Variants in LRBA observed in about 807,000 individuals in gnomAD.
LRBA encodes the protein LPS responsive beige-like anchor protein.
LRBA carries 176 observed loss-of-function variants against 330.0 expected under a neutral mutation model. The ratio of observed to expected loss-of-function variants is 0.53; its 90% CI spans 0.47 to 0.60. The LOEUF is 0.60. LRBA is among the 20% of genes least tolerant of loss of function. LRBA has a pLI of 0.00. For missense variants in LRBA, 3,259 were observed against 3,444.8 expected (o/e 0.95, Z 1.35); for synonymous variants, 1,230 against 1,193.0 (o/e 1.03, Z -0.64).
In LRBA at chr4:150,370,211, T is replaced by C. The variant is rs1250463303; in HGVS notation, c.7195-20052A>G. On this transcript the variant is annotated intron_variant, in intron 47 of 56. Transcript: ENST00000651943. ...CTTACCCAAATGAGAGGAAAATTTATGCTCACACAAAATCCTTAACATAAA... is the reference window on the plus strand; with the variant it reads ...CTTACCCAAATGAGAGGAAAATTTACGCTCACACAAAATCCTTAACATAAA... 4.6e-5 allele frequency among the ~76,000 whole-genome samples: 7 copies of C among 152,322 alleles called. No homozygotes were observed. The East Asian group carries it at 1.2e-3, about 25-fold the overall frequency.
chr4:150,846,588 G>A (rs1160840100), intron 26 of LRBA, among the ~76,000 whole-genome samples: 10 of 151,810 alleles, frequency 6.6e-5, no homozygotes, highest in Non-Finnish European at 1.5e-5. Flanking sequence ...GGGGGTGAGG[G>A]GGGTCTGATG....
chr4:150,698,657 C>T lies in LRBA; in HGVS notation c.5755-14940G>A, dbSNP rs144982393. On this transcript the variant is annotated intron_variant, in intron 36 of 56. Coordinates refer to ENST00000651943, the MANE Select transcript of LRBA (RefSeq NM_001364905.1). ...ACTTAACAATTTGCAAACAAAATCT[C>T]ATCGATTCACTTTTAAGTGGTCTTC... Among the ~76,000 whole-genome samples the T allele has an allele frequency of 2.5e-3, 381 of 152,278 alleles. 1 individual carries two copies. Among genetic ancestry groups the T allele is most frequent in the African/African-American group, 8.8e-3 (365 of 41,548 alleles).
At chr4:150,955,016 C>A (rs1202147413) in intron 2 of LRBA, among the ~76,000 whole-genome samples, 1 of 148,910 alleles carries the variant, frequency 6.7e-6, no homozygotes, top group African/African-American at 2.6e-5. Flanking sequence ...TGGCTCACAC[C>A]TGTAATCCCA....
intron 2 of LRBA, among the ~76,000 whole-genome samples, chr4:150,930,375 C>A (rs1734366192): frequency 6.6e-6 from 1 of 151,644 alleles, no homozygotes; most frequent in South Asian, 2.1e-4. Flanking sequence ...TGCCTGTAGT[C>A]CCAGTTACTT....
At chr4:150,523,306 G>A (rs146064343) in intron 40 of LRBA, among the ~76,000 whole-genome samples, 4 of 152,234 alleles carry the variant, frequency 2.6e-5, no homozygotes, top group Admixed American at 6.5e-5. Flanking sequence ...ATCAAGTCAT[G>A]AGGGCTCTGC....
intron 9 of LRBA, among the ~76,000 whole-genome samples, chr4:150,910,939 T>C (rs1731923132): frequency 6.6e-6 from 1 of 152,202 alleles, no homozygotes; most frequent in South Asian, 2.1e-4. Context: ...TTTATCCTTG[T>C]TGATGCTATT....
Position 150,277,903 on chromosome 4 carries a change from A to G in LRBA, c.8418T>C (p.Tyr2806=), listed in dbSNP as rs1337258881. ...QVSDLKQLFA[Y]PGCDAGIRAM... Reference sequence around the variant, plus strand: ...CCCGGATTCCAGCGTCACATCCTGGATAGGCAAAGAGCTGCTTGAGGTCCG... The same window carrying G: ...CCCGGATTCCAGCGTCACATCCTGGGTAGGCAAAGAGCTGCTTGAGGTCCG... The change falls in exon 56 of 57, where the codon TAT becomes TAC. Residue 2806 remains tyrosine, a synonymous_variant. Transcript: ENST00000651943. 4 of 1,614,088 alleles carry G rather than the reference A, an allele frequency of 2.5e-6. No homozygotes were observed. The highest frequency in any genetic ancestry group is 3.4e-6 in the Non-Finnish European group (4 of 1,180,018).
intron 53 of LRBA, among the ~76,000 whole-genome samples, chr4:150,302,042 A>G (rs1039758219): frequency 1.3e-5 from 2 of 152,048 alleles, no homozygotes; most frequent in African/African-American, 4.8e-5. Flanking sequence ...CCTTCTGTGA[A>G]TTACAATTTT....
At chr4:150,829,374 T>C (rs1746810057) in intron 29 of LRBA, among the ~76,000 whole-genome samples, 1 of 152,164 alleles carries the variant, frequency 6.6e-6, no homozygotes, top group South Asian at 2.1e-4. Context: ...ACACCTCCTT[T>C]TCTCTCTTTT....
At chr4:150,791,511 C>T (rs559690194) in intron 34 of LRBA, among the ~76,000 whole-genome samples, 3 of 152,044 alleles carry the variant, frequency 2.0e-5, no homozygotes. Flanking sequence ...CACATGTTTG[C>T]TAAATAAATG....
intron 46 of LRBA, among the ~76,000 whole-genome samples, chr4:150,434,411 A>G (rs1750823700): frequency 6.6e-6 from 1 of 152,352 alleles, no homozygotes; most frequent in Admixed American, 6.5e-5. Context: ...TTAATAATGG[A>G]ATGCTTTACT....
chr4:150,753,301 T>C (rs185701588), intron 35 of LRBA, among the ~76,000 whole-genome samples: 1 of 152,350 alleles, frequency 6.6e-6, no homozygotes, highest in African/African-American at 2.4e-5. Context: ...ATTCTGACCA[T>C]TGCTAAATTC....
At chr4:150,361,347 A>C (rs1738666688) in intron 47 of LRBA, among the ~76,000 whole-genome samples, 1 of 152,216 alleles carries the variant, frequency 6.6e-6, no homozygotes, top group African/African-American at 2.4e-5. Context: ...ACTTCTTGCA[A>C]GAGTTAAATA....
At chr4:150,279,771 AG>A (rs1747267811) in intron 55 of LRBA, among the ~76,000 whole-genome samples, 1 of 152,238 alleles carries the variant, frequency 6.6e-6, no homozygotes, top group African/African-American at 2.4e-5. Context: ...TTTCAAGATG[AG>A]CAAAAATCAG....
At chr4:150,444,412 T>C (rs1752314789) in intron 44 of LRBA, among the ~76,000 whole-genome samples, 1 of 152,154 alleles carries the variant, frequency 6.6e-6, no homozygotes, top group African/African-American at 2.4e-5. Flanking sequence ...TTCAGCAACA[T>C]TGCCACTGTT....
intron 2 of LRBA, among the ~76,000 whole-genome samples, chr4:150,975,535 A>G (rs938357430): frequency 4.6e-5 from 6 of 131,840 alleles, no homozygotes; most frequent in African/African-American, 7.6e-5. Context: ...CTCTATCTCA[A>G]AAAAAAAAAA....
chr4:150,920,362 A>G (rs1397548899), intron 5 of LRBA, among the ~76,000 whole-genome samples: 1 of 152,208 alleles, frequency 6.6e-6, no homozygotes, highest in Non-Finnish European at 1.5e-5. Flanking sequence ...AAGCCTGGCC[A>G]ACATGGCAAA....
At chr4:150,591,470 G>A (rs949577536) in intron 38 of LRBA, among the ~76,000 whole-genome samples, 1 of 151,770 alleles carries the variant, frequency 6.6e-6, no homozygotes, top group Non-Finnish European at 1.5e-5. Flanking sequence ...CATTACCCTC[G>A]TCCACATGTT....
intron 34 of LRBA, among the ~76,000 whole-genome samples, chr4:150,792,050 AAG>A (rs1740018997): frequency 2.0e-5 from 3 of 150,606 alleles, no homozygotes; most frequent in East Asian, 1.9e-4. Flanking sequence ...AAAAAAAAAA[AAG>A]AAGGCTTATT....
Sources: gnomAD v4.1 joint callset for allele counts (sites outside exome capture counted in the v4.1 genomes callset) on GRCh38, gnomAD v4.1.1 for gene constraint, MANE v1.5 for transcripts, NCBI Gene and HGNC (gene_info 2026-07-23, HGNC 2026-07-21) for gene names.